The following ETS1 variants were observed in gnomAD, a reference collection of about 807,000 sequenced individuals.
ETS1 encodes ETS proto-oncogene 1, transcription factor, also known as protein C-ets-1.
ETS1 carries 15 observed loss-of-function variants against 58.6 expected under a neutral mutation model. The ratio of observed to expected loss-of-function variants is 0.26; its 90% confidence interval spans 0.17 to 0.39. The LOEUF (loss-of-function observed/expected upper bound fraction) is 0.39. Ranked by LOEUF, ETS1 falls within the 10% of genes least tolerant of loss-of-function variation. The pLI is 1.00. For missense variants in ETS1, 417 were observed against 610.5 expected, an observed-to-expected ratio of 0.68 and a Z score of 3.34; for synonymous variants, 214 against 218.2, an observed-to-expected ratio of 0.98 and a Z score of 0.17.
chr11:128,500,186 G>A (rs1863050686), intron 3 of ETS1, among the ~76,000 whole-genome samples: 1 of 152,092 alleles, frequency 6.6e-6, no homozygotes, highest in African/African-American at 2.4e-5. Flanking sequence ...GACAGAGGAG[G>A]AGAGCTGGCC....
At chr11:128,502,719 CT>C (rs1863122920) in intron 3 of ETS1, among the ~76,000 whole-genome samples, 1 of 152,120 alleles carries the variant, frequency 6.6e-6, no homozygotes, top group Admixed American at 6.5e-5. Context: ...AATTTTAATC[CT>C]TCCCAAACTG....
chr11:128,487,283 T>C (rs1181657802), intron 5 of ETS1, among the ~76,000 whole-genome samples: 1 of 152,232 alleles, frequency 6.6e-6, no homozygotes, highest in Non-Finnish European at 1.5e-5. Context: ...GATATGACTT[T>C]TGCTCTCAAA....
intron 1 of ETS1, among the ~76,000 whole-genome samples, chr11:128,584,477 T>C (rs2135598889): frequency 6.6e-6 from 1 of 152,166 alleles, no homozygotes; most frequent in East Asian, 1.9e-4. Context: ...GAGAGTGGAG[T>C]GCCCACCTCA....
At chr11:128,530,165 T>C in intron 3 of ETS1, 1 of 152,168 alleles carries the variant, frequency 6.6e-6, no homozygotes, top group South Asian at 2.1e-4. Flanking sequence ...GATTCTCAGC[T>C]CTTAAGGACC....
At chr11:128,480,501 G>GAAAAAA in intron 7 of ETS1, 50 bp from the exon 8 acceptor site, 1 of 1,060,878 alleles carries the variant, frequency 9.4e-7, no homozygotes, top group Non-Finnish European at 1.4e-6. Flanking sequence ...GAGGGAGTGG[G>GAAAAAA]AAAAAAAAAA....
At chr11:128,569,843 C>T (rs917260790) in intron 2 of ETS1, among the ~76,000 whole-genome samples, 1 of 152,156 alleles carries the variant, frequency 6.6e-6, no homozygotes, top group Non-Finnish European at 1.5e-5. Context: ...AGTGCAAGAA[C>T]AATAATTCAG....
chr11:128,466,746 G>C (rs1862046896), intron 8 of ETS1, among the ~76,000 whole-genome samples: 1 of 151,414 alleles, frequency 6.6e-6, no homozygotes, highest in South Asian at 2.1e-4. Context: ...AGAAGCCCAA[G>C]TCCTAGGTGC....
intron 2 of ETS1, among the ~76,000 whole-genome samples, chr11:128,565,312 T>C (rs1864474989): frequency 6.6e-6 from 1 of 152,152 alleles, no homozygotes; most frequent in African/African-American, 2.4e-5. Context: ...GAAGGGTCCA[T>C]CTTGGAAGCT....
chr11:128,555,065 G>A (rs769411055), intron 3 of ETS1, among the ~76,000 whole-genome samples: 1 of 152,100 alleles, frequency 6.6e-6, no homozygotes, highest in Non-Finnish European at 1.5e-5. Flanking sequence ...TACAATCCAG[G>A]ACAGTGCCAA....
intron 3 of ETS1, among the ~76,000 whole-genome samples, chr11:128,545,267 T>C (rs895255122): frequency 1.3e-5 from 2 of 152,194 alleles, no homozygotes; most frequent in Admixed American, 1.3e-4. Flanking sequence ...GGAATTTTCA[T>C]GGGTCTCTGC....
At position 128,530,601 on chromosome 11, in the gene ETS1, A is replaced by C. The variant is rs1025455549; in HGVS notation, c.214+25690T>G. 2.6e-5 allele frequency among the ~76,000 whole-genome samples: 4 copies of C among 152,272 alleles called. No homozygotes were observed. The East Asian group carries it at 5.8e-4, about 22-fold the overall frequency. On this transcript the variant is annotated intron_variant, in intron 3 of 9. Coordinates refer to ENST00000392668, the MANE Select transcript of ETS1 (RefSeq NM_001143820.2). ...CCCCAGATTGGGAAACCATCTTGAA[A>C]GACTTCATCACAAAAAGGCCTTGGG... is the stretch of plus-strand genomic sequence containing the variant.
In ETS1 at chr11:128,462,128, C is replaced by G. The variant is rs985791416; in HGVS notation, c.*233G>C. On this transcript the variant is annotated 3_prime_UTR_variant, in exon 10 of 10. Coordinates refer to ENST00000392668, the MANE Select transcript of ETS1 (RefSeq NM_001143820.2). ...AGCTTCTGAGAAGGCCCTTCTCCCT[C>G]TCCTGAAAATTTGCTCAAGAATTTC... The G allele has an allele frequency of 5.3e-5, 27 of 513,158 alleles. No homozygotes were observed. The East Asian group carries it at 7.8e-4, about 15-fold the overall frequency. The allele number at this position is 513,158 out of a possible 1,614,324, so 31.8% of individuals were successfully genotyped here. A position where few individuals can be genotyped will look rare whatever the true frequency, so the allele number is the denominator to read the frequency against.
In ETS1 at chr11:128,461,313, T is replaced by C. The variant is rs769260732; in HGVS notation, c.*1048A>G. 4 of 152,794 alleles carry C rather than the reference T, an allele frequency of 2.6e-5. No individual in the cohort carries two copies. The highest frequency in any genetic ancestry group is 2.9e-5 in the Non-Finnish European group (2 of 68,036). The allele number at this position is 152,794 out of a possible 1,614,324, so 9.5% of individuals were successfully genotyped here. A position where few individuals can be genotyped will look rare whatever the true frequency, so the allele number is the denominator to read the frequency against. On this transcript the variant is annotated 3_prime_UTR_variant, in exon 10 of 10. Coordinates refer to ENST00000392668, the MANE Select transcript of ETS1 (RefSeq NM_001143820.2). Reference sequence around the variant, plus strand: ...TTCCAAGTCATCTATGCTACAGATATAGGACTAAGAAAGAACCAAGTCAAT... The same window carrying C: ...TTCCAAGTCATCTATGCTACAGATACAGGACTAAGAAAGAACCAAGTCAAT...
intron 1 of ETS1, among the ~76,000 whole-genome samples, chr11:128,585,375 G>A (rs1324729378): frequency 2.0e-5 from 3 of 151,522 alleles, no homozygotes; most frequent in Non-Finnish European, 4.4e-5. Context: ...GTCCCAGCTC[G>A]TGGGACGTAA....
chr11:128,521,954 A>T (rs1349207403), intron 3 of ETS1: 1 of 1,607,556 alleles, frequency 6.2e-7, no homozygotes, highest in Non-Finnish European at 8.5e-7. Flanking sequence ...TTCCGTCTTG[A>T]TGATGGTGAG....
chr11:128,574,864 TGTCATATGATAATG>T (rs1864710620), intron 1 of ETS1, among the ~76,000 whole-genome samples: 1 of 152,254 alleles, frequency 6.6e-6, no homozygotes, highest in Admixed American at 6.5e-5. Flanking sequence ...ACATTGATTG[TGTCATATGATAATG>T]GCTTAACCAC....
chr11:128,523,294 TAAAAC>T (rs1175945383), intron 3 of ETS1, among the ~76,000 whole-genome samples: 2 of 152,174 alleles, frequency 1.3e-5, no homozygotes, highest in South Asian at 2.1e-4. Flanking sequence ...ACACTAGAGA[TAAAAC>T]AAAATGAACC....
At chr11:128,466,117 C>G (rs1043327501) in intron 8 of ETS1, among the ~76,000 whole-genome samples, 2 of 152,214 alleles carry the variant, frequency 1.3e-5, no homozygotes, top group African/African-American at 2.4e-5. Flanking sequence ...CAGTGGTTCT[C>G]CCAGTCATCC....
At chr11:128,584,809 A>G (rs1462824413) in intron 1 of ETS1, among the ~76,000 whole-genome samples, 2 of 151,354 alleles carry the variant, frequency 1.3e-5, no homozygotes, top group Non-Finnish European at 2.9e-5. Flanking sequence ...ATTTTGCTCA[A>G]ATGCTAAATA....
Sources: allele counts gnomAD v4.1 joint callset (sites outside exome capture counted in the v4.1 genomes callset), GRCh38; gene constraint gnomAD v4.1.1; transcripts MANE v1.5; gene names NCBI Gene and HGNC (gene_info 2026-07-23, HGNC 2026-07-21).